ASTN2: variants seen among roughly 807,000 people sequenced by gnomAD.
ASTN2 encodes astrotactin-2.
In ASTN2, 54 loss-of-function variants were observed where a neutral mutation model predicts 139.8. That is an observed-to-expected ratio of 0.39 (90% CI 0.31 to 0.48). ASTN2 has a LOEUF of 0.48. Among genes scored for constraint, ASTN2 ranks in the 20% least tolerant of loss-of-function variants. The probability of loss-of-function intolerance (pLI) is 0.95; values close to 1 mark genes in which losing one functional copy is unlikely to be tolerated. For missense variants in ASTN2, 1,565 were observed against 1,725.1 expected (o/e 0.91, Z 1.64); for synonymous variants, 756 against 719.5 (o/e 1.05, Z -0.81).
intron 13 of ASTN2, among the ~76,000 whole-genome samples, chr9:116,779,857 T>C (rs1185085922): frequency 3.3e-5 from 5 of 152,200 alleles, no homozygotes; most frequent in African/African-American, 1.2e-4. Context: ...TCCCCCCTGG[T>C]CTCAGCCTTT....
At chr9:117,263,152 G>A (rs1014164926) in intron 2 of ASTN2, among the ~76,000 whole-genome samples, 7 of 152,060 alleles carry the variant, frequency 4.6e-5, no homozygotes, top group South Asian at 2.1e-4. Flanking sequence ...ATTATAGTTC[G>A]CCCAGATACT....
intron 6 of ASTN2, among the ~76,000 whole-genome samples, chr9:117,013,487 T>TA (rs1491505883): frequency 0.099 from 1,275 of 12,858 alleles, 17 homozygotes; most frequent in Non-Finnish European, 0.19. Flanking sequence ...TATATATATA[T>TA]TTTTTTTTTT....
At chr9:117,008,303 G>T (rs761309243) in intron 6 of ASTN2, 44 bp from the exon 7 acceptor site, 1 of 1,505,380 alleles carries the variant, frequency 6.6e-7, no homozygotes, top group South Asian at 1.4e-5. Context: ...CTGATTTTAA[G>T]GTCTTAGCTG....
intron 6 of ASTN2, among the ~76,000 whole-genome samples, chr9:117,023,990 G>A (rs1837974704): frequency 6.6e-6 from 1 of 152,130 alleles, no homozygotes. Context: ...GGGAGGGGAT[G>A]GGACTGGGCG....
At chr9:117,027,476 G>T (rs1248764712) in intron 6 of ASTN2, among the ~76,000 whole-genome samples, 1 of 152,074 alleles carries the variant, frequency 6.6e-6, no homozygotes. Flanking sequence ...AGCCTTGCTG[G>T]GTGCTACCTG....
chr9:117,292,141 G>A (rs557478583), intron 1 of ASTN2, among the ~76,000 whole-genome samples: 3 of 152,186 alleles, frequency 2.0e-5, no homozygotes, highest in African/African-American at 7.2e-5. Flanking sequence ...AGTTTCCTTG[G>A]CTTAAAAATA....
intron 16 of ASTN2, among the ~76,000 whole-genome samples, chr9:116,675,377 G>T (rs1859443217): frequency 6.6e-6 from 1 of 152,064 alleles, no homozygotes; most frequent in Admixed American, 6.5e-5. Context: ...CCTATGGTGG[G>T]GTGTCTGTAG....
chr9:116,487,903 T>C (rs1242881094), intron 19 of ASTN2, among the ~76,000 whole-genome samples: 2 of 152,238 alleles, frequency 1.3e-5, no homozygotes, highest in African/African-American at 4.8e-5. Context: ...AATTGCATTT[T>C]CCTTCTTTGT....
At chr9:116,829,865 C>T (rs1660046505) in intron 11 of ASTN2, among the ~76,000 whole-genome samples, 1 of 152,048 alleles carries the variant, frequency 6.6e-6, no homozygotes, top group African/African-American at 2.4e-5. Context: ...TATTTCTCGC[C>T]ACATATTTTT....
intron 19 of ASTN2, among the ~76,000 whole-genome samples, chr9:116,522,764 T>C (rs1343679153): frequency 6.6e-6 from 1 of 152,142 alleles, no homozygotes; most frequent in East Asian, 1.9e-4. Context: ...TTACTTCCAT[T>C]GTACAGATTT....
At chr9:116,722,194 T>C (rs898646442) in intron 16 of ASTN2, among the ~76,000 whole-genome samples, 1 of 152,152 alleles carries the variant, frequency 6.6e-6, no homozygotes, top group Non-Finnish European at 1.5e-5. Context: ...ATGCTGGTAA[T>C]GAACAACGTA....
At chr9:116,617,476 A>G (rs189504544) in intron 19 of ASTN2, among the ~76,000 whole-genome samples, 1 of 152,136 alleles carries the variant, frequency 6.6e-6, no homozygotes, top group African/African-American at 2.4e-5. Flanking sequence ...TACTTCTTTA[A>G]TTCTTTAAAT....
chr9:116,744,708 T>C (rs559763049), intron 13 of ASTN2, among the ~76,000 whole-genome samples: 1 of 152,144 alleles, frequency 6.6e-6, no homozygotes, highest in Non-Finnish European at 1.5e-5. Context: ...TCCAGAGACC[T>C]GCCTCCCCAG....
chr9:117,183,342 C>T (rs1281412044), intron 3 of ASTN2, among the ~76,000 whole-genome samples: 3 of 152,208 alleles, frequency 2.0e-5, no homozygotes, highest in Non-Finnish European at 4.4e-5. Context: ...GCATATAAAG[C>T]ACCCGATCTA....
intron 5 of ASTN2, among the ~76,000 whole-genome samples, chr9:117,060,663 G>A (rs1409267076): frequency 6.6e-6 from 1 of 151,960 alleles, no homozygotes; most frequent in African/African-American, 2.4e-5. Context: ...GGAGGCTGAG[G>A]TGGGCGGATC....
At chr9:116,877,121 C>T (rs947768944) in intron 10 of ASTN2, among the ~76,000 whole-genome samples, 6 of 152,162 alleles carry the variant, frequency 3.9e-5, no homozygotes, top group Admixed American at 3.9e-4. Flanking sequence ...TAAGTCTTAG[C>T]CAACGGGATC....
rs1828844317 is a variant in ASTN2 at position 116,733,547 on chromosome 9, G to A, written c.2397-24C>T. On this transcript the variant is annotated intron_variant, in intron 13 of 22. Transcript: ENST00000313400. ...CCCTGTGGAGAGGAGCAGAGAGACT[G>A]CCAAATCGAGGAAGTGGAGACTGCT... 2.5e-6 allele frequency: 4 copies of A among 1,613,650 alleles called. No homozygotes were observed. In the South Asian group the frequency reaches 3.3e-5, roughly 13 times the overall value.
At chr9:116,620,071 T>A (rs1403686402) in intron 18 of ASTN2, among the ~76,000 whole-genome samples, 2 of 152,116 alleles carry the variant, frequency 1.3e-5, no homozygotes, top group African/African-American at 4.8e-5. Context: ...GAAGAAATGA[T>A]GAACTGAGTG....
intron 1 of ASTN2, among the ~76,000 whole-genome samples, chr9:117,363,796 A>G (rs1425619658): frequency 6.6e-6 from 1 of 152,150 alleles, no homozygotes; most frequent in Non-Finnish European, 1.5e-5. Flanking sequence ...CCTTGGCATT[A>G]AAGACCTCGT....
Sources: gnomAD v4.1 joint callset for allele counts (sites outside exome capture counted in the v4.1 genomes callset) on GRCh38, gnomAD v4.1.1 for gene constraint, MANE v1.5 for transcripts, NCBI Gene and HGNC (gene_info 2026-07-23, HGNC 2026-07-21) for gene names.